The following GIPC2 variants were observed in gnomAD, a reference collection of about 807,000 sequenced individuals.
GIPC2 encodes the protein PDZ domain-containing protein GIPC2.
Under a neutral mutation model 30.6 loss-of-function variants are expected in GIPC2, and 30 were observed. That is an observed-to-expected ratio of 0.98 (90% CI 0.73 to 1.33). The LOEUF is 1.33. GIPC2 is among the 40% of genes most tolerant of loss of function. The pLI is 0.00. For missense variants in GIPC2, 414 were observed against 390.3 expected, an observed-to-expected ratio of 1.06 and a Z score of -0.51; for synonymous variants, 167 against 150.0, an observed-to-expected ratio of 1.11 and a Z score of -0.83.
chr1:78,096,969 G>T (rs544297221), intron 3 of GIPC2, among the ~76,000 whole-genome samples: 2 of 152,074 alleles, frequency 1.3e-5, no homozygotes, highest in Non-Finnish European at 2.9e-5. Context: ...AGTGTGAGGG[G>T]TTTCTTTCTT....
At chr1:78,094,928 A>G in intron 2 of GIPC2, 24 bp from the exon 3 acceptor site, 1 of 1,473,612 alleles carries the variant, frequency 6.8e-7, no homozygotes, top group Non-Finnish European at 9.5e-7. Flanking sequence ...ATTTTATATT[A>G]TGTTATCATC....
At chr1:78,129,735 A>G (rs1318831752) in intron 5 of GIPC2, among the ~76,000 whole-genome samples, 2 of 152,222 alleles carry the variant, frequency 1.3e-5, no homozygotes, top group African/African-American at 4.8e-5. Context: ...ATAAGACCTC[A>G]CATGGTCTTG....
chr1:78,108,245 T>A (rs1384687391), intron 3 of GIPC2, among the ~76,000 whole-genome samples: 1 of 152,182 alleles, frequency 6.6e-6, no homozygotes. Flanking sequence ...GTTTGTAATC[T>A]TTTTTTGTAA....
At chr1:78,124,465 GA>G (rs1662745162) in intron 4 of GIPC2, among the ~76,000 whole-genome samples, 1 of 152,090 alleles carries the variant, frequency 6.6e-6, no homozygotes. Context: ...TATTTGTTCA[GA>G]AAAGTTTTAC....
intron 1 of GIPC2, among the ~76,000 whole-genome samples, chr1:78,063,163 A>G (rs2102642762): frequency 6.6e-6 from 1 of 152,314 alleles, no homozygotes; most frequent in Admixed American, 6.5e-5. Flanking sequence ...ATTAGAAACA[A>G]ACTTGGATTT....
intron 2 of GIPC2, among the ~76,000 whole-genome samples, chr1:78,086,867 G>A (rs1462526109): frequency 5.3e-5 from 8 of 152,044 alleles, no homozygotes; most frequent in South Asian, 2.1e-4. Flanking sequence ...ACAGCATACC[G>A]TTGGGTCTTG....
At chr1:78,118,828 A>G (rs775831339) in intron 3 of GIPC2, among the ~76,000 whole-genome samples, 7 of 152,204 alleles carry the variant, frequency 4.6e-5, no homozygotes, top group Non-Finnish European at 1.0e-4. Flanking sequence ...TACTGCCTTC[A>G]GTTCCCTTAT....
intron 1 of GIPC2, among the ~76,000 whole-genome samples, chr1:78,079,744 C>T (rs1053926250): frequency 3.9e-5 from 6 of 152,166 alleles, no homozygotes; most frequent in Non-Finnish European, 8.8e-5. Context: ...CCCTGCTTCT[C>T]TTCTTCTATA....
At chr1:78,096,167 AG>A (rs1007818174) in intron 3 of GIPC2, among the ~76,000 whole-genome samples, 1 of 152,126 alleles carries the variant, frequency 6.6e-6, no homozygotes, top group Non-Finnish European at 1.5e-5. Context: ...TACCTCCTGG[AG>A]GGAGCACTCT....
chr1:78,065,924 C>A (rs941057883), intron 1 of GIPC2, among the ~76,000 whole-genome samples: 1 of 151,874 alleles, frequency 6.6e-6, no homozygotes, highest in African/African-American at 2.4e-5. Flanking sequence ...TAACAAAATC[C>A]AAAATTATAA....
At chr1:78,082,858 A>C (rs1176500728) in intron 2 of GIPC2, among the ~76,000 whole-genome samples, 1 of 152,200 alleles carries the variant, frequency 6.6e-6, no homozygotes, top group African/African-American at 2.4e-5. Flanking sequence ...CAATAATAAT[A>C]CAAAGAACTC....
At chr1:78,061,948 C>G (rs906675523) in intron 1 of GIPC2, among the ~76,000 whole-genome samples, 10 of 152,044 alleles carry the variant, frequency 6.6e-5, no homozygotes, top group African/African-American at 2.4e-4. Flanking sequence ...CATATTTGAC[C>G]CTCTGTAGGT....
At chr1:78,091,924 A>T in intron 2 of GIPC2, 3 of 847,512 alleles carry the variant, frequency 3.5e-6, no homozygotes, top group Non-Finnish European at 6.2e-6. Flanking sequence ...TCTATTAACA[A>T]CACTCTGTTC....
intron 4 of GIPC2, among the ~76,000 whole-genome samples, chr1:78,124,166 A>C (rs1662739308): frequency 6.6e-6 from 1 of 152,202 alleles, no homozygotes; most frequent in Non-Finnish European, 1.5e-5. Context: ...GATGCCATTT[A>C]AAGCCAAGTA....
intron 1 of GIPC2, among the ~76,000 whole-genome samples, chr1:78,053,767 C>CAAA (rs1370441660): frequency 2.1e-5 from 2 of 96,120 alleles, no homozygotes; most frequent in East Asian, 2.5e-4. Context: ...AAAAAAAAAG[C>CAAA]CAAAAAAAAA....
chr1:78,053,745 TAAAAAA>T lies in GIPC2; in HGVS notation c.240+7426_240+7431del, dbSNP rs11384461. On this transcript the variant is annotated intron_variant, in intron 1 of 5. Transcript: ENST00000370759. Reference sequence around the variant, plus strand: ...GGCAACATAGTGGTACCCTGCCTCTTAAAAAAAAAAAAAAAAAAAAGCCAAAAAAAA... The same window carrying T: ...GGCAACATAGTGGTACCCTGCCTCTTAAAAAAAAAAAAAAGCCAAAAAAAA... 7.8e-4 allele frequency among the ~76,000 whole-genome samples: 69 copies of T among 88,680 alleles called. 1 individual carries two copies. The highest frequency in any genetic ancestry group is 1.3e-3 in the Non-Finnish European group (67 of 49,942). 58.2% of individuals were successfully genotyped at this position (88,680 alleles called of 152,430 possible).
At chr1:78,109,482 C>T (rs1241670254) in intron 3 of GIPC2, among the ~76,000 whole-genome samples, 2 of 152,186 alleles carry the variant, frequency 1.3e-5, no homozygotes, top group East Asian at 3.8e-4. Context: ...TCCAGCTCTG[C>T]CCACTTACCT....
At chr1:78,065,579 C>G (rs1162516217) in intron 1 of GIPC2, among the ~76,000 whole-genome samples, 2 of 151,750 alleles carry the variant, frequency 1.3e-5, no homozygotes, top group African/African-American at 4.8e-5. Context: ...ACAAAAGAGC[C>G]TGAATAGCCA....
intron 1 of GIPC2, among the ~76,000 whole-genome samples, chr1:78,070,962 C>T (rs748506453): frequency 6.6e-6 from 1 of 152,082 alleles, no homozygotes; most frequent in Non-Finnish European, 1.5e-5. Context: ...CTACACAGTT[C>T]AGGACAGAGC....
Sources: gnomAD v4.1 joint callset for allele counts (sites outside exome capture counted in the v4.1 genomes callset) on GRCh38, gnomAD v4.1.1 for gene constraint, MANE v1.5 for transcripts, NCBI Gene and HGNC (gene_info 2026-07-23, HGNC 2026-07-21) for gene names.